HK3: variants seen among roughly 807,000 people sequenced by gnomAD.
The protein encoded by HK3 is hexokinase-3.
Under a neutral mutation model 91.0 loss-of-function variants are expected in HK3, and 93 were observed. The observed-to-expected ratio is 1.02, with a 90% CI of 0.86 to 1.21. The LOEUF (loss-of-function observed/expected upper bound fraction) is 1.21, where lower values mean the gene tolerates loss of function less well. Among genes scored for constraint, HK3 ranks in the 50% most tolerant of loss-of-function variants. The probability of loss-of-function intolerance (pLI) is 0.00; values close to 1 mark genes in which losing one functional copy is unlikely to be tolerated. For missense variants in HK3, 1,235 were observed against 1,247.4 expected (o/e 0.99, Z 0.15); for synonymous variants, 519 against 516.9 (o/e 1.00, Z -0.06).
At chr5:176,883,097 C>T (rs527325283) in intron 15 of HK3, among the ~76,000 whole-genome samples, 15 of 152,352 alleles carry the variant, frequency 9.8e-5, no homozygotes, top group South Asian at 4.1e-4. Flanking sequence ...CTGCTGCCCA[C>T]GTGTAGAATC....
chr5:176,881,665 G>A, intron 17 of HK3, 27 bp downstream of exon 17: 4 of 1,612,780 alleles, frequency 2.5e-6, no homozygotes, highest in Non-Finnish European at 3.4e-6. Context: ...CCCCTGAAGT[G>A]GGGGAGGCAA....
At chr5:176,895,076 C>CATAGGCAAGTCCTTTATCTCCA (rs1758874253) in intron 2 of HK3, among the ~76,000 whole-genome samples, 1 of 113,714 alleles carries the variant, frequency 8.8e-6, no homozygotes, top group African/African-American at 3.9e-5. Flanking sequence ...TGCGCCCGGA[C>CATAGGCAAGTCCTTTATCTCCA]TTTTTTTTTT....
At chr5:176,886,546 G>A (rs994039304) in intron 13 of HK3, among the ~76,000 whole-genome samples, 1 of 152,052 alleles carries the variant, frequency 6.6e-6, no homozygotes, top group Non-Finnish European at 1.5e-5. Flanking sequence ...TGTGTGCTGA[G>A]TAGGGATGTG....
At chr5:176,892,312 T>C (rs1758799164) in intron 2 of HK3, among the ~76,000 whole-genome samples, 2 of 152,004 alleles carry the variant, frequency 1.3e-5, no homozygotes. Context: ...TTCAAGAGGG[T>C]TTCCCTGAGG....
chr5:176,883,460 C>G (rs1273797536), intron 15 of HK3, among the ~76,000 whole-genome samples: 1 of 152,088 alleles, frequency 6.6e-6, no homozygotes, highest in African/African-American at 2.4e-5. Context: ...GGTGACTTGC[C>G]CAAGGTCATA....
At chr5:176,897,471 A>G (rs1232919472) in intron 1 of HK3, among the ~76,000 whole-genome samples, 1 of 151,780 alleles carries the variant, frequency 6.6e-6, no homozygotes, top group Non-Finnish European at 1.5e-5. Flanking sequence ...GAAATATAGT[A>G]CCTTCCCACC....
intron 13 of HK3, among the ~76,000 whole-genome samples, chr5:176,885,035 G>A (rs1465573326): frequency 6.6e-6 from 1 of 152,244 alleles, no homozygotes; most frequent in Non-Finnish European, 1.5e-5. Context: ...GAGACCAGAT[G>A]ATGAGTAAGA....
In HK3 at chr5:176,884,078, A is replaced by T. The variant is rs1339557820; in HGVS notation, c.1914T>A (p.Asp638Glu). The T allele has an allele frequency of 6.2e-7, 1 of 1,614,112 alleles. No homozygotes were observed. Among genetic ancestry groups the T allele is most frequent in the Admixed American group, 1.7e-5 (1 of 60,032 alleles). The change falls in exon 14 of 19, where the codon GAT becomes GAA. Residue 638 changes from aspartate (D) to glutamate (E), a missense_variant. Around this residue, in one of 3 missense-constraint regions of HK3, gnomAD observed 513 missense variants for 477.4 expected, o/e 1.07. Transcript: ENST00000292432. This position sits in a 1 kb window ranked among gnomAD's most constrained non-coding sequence, Gnocchi z 4.1. ...TGGCTTCCCGCAACAGACTCACGACATCTTGGCCCTCGCAGTCTGATGCCT... is the reference window on the plus strand; with the variant it reads ...TGGCTTCCCGCAACAGACTCACGACTTCTTGGCCCTCGCAGTCTGATGCCT... The part of the protein sequence containing the change: ...GFKASDCEGQ[D>E]VVSLLREAIT...
rs373215921 is a variant in HK3, at chr5:176,884,060, C to G, written c.1932G>C (p.Arg644=). The change falls in exon 14 of 19, where the codon CGG becomes CGC. Residue 644 remains arginine (R), a synonymous_variant. Transcript: ENST00000292432. The surrounding 1 kb of genome is among the most constrained non-coding windows in gnomAD (Gnocchi z 4.1). ...CTACCTGTCTGCGAGTGATGGCTTC[C>G]CGCAACAGACTCACGACATCTTGGC... ...CEGQDVVSLL[R]EAITRRQAVE... is the part of the protein sequence containing the mutation. The G allele has an allele frequency of 5.8e-5, 94 of 1,614,124 alleles. 1 individual carries two copies. The highest frequency in any genetic ancestry group is 3.4e-4 in the South Asian group (31 of 91,086).
intron 13 of HK3, among the ~76,000 whole-genome samples, chr5:176,885,447 A>C (rs1758558992): frequency 6.6e-6 from 1 of 151,980 alleles, no homozygotes. Flanking sequence ...TTTAAGATGG[A>C]GTCTTGCTCT....
At position 176,887,924 on chromosome 5, in the gene HK3, C is replaced by T. The variant is rs576893802; in HGVS notation, c.1305-178G>A. On this transcript the variant is annotated intron_variant, in intron 10 of 18. Coordinates refer to ENST00000292432, the MANE Select transcript of HK3 (RefSeq NM_002115.3). This position sits in a 1 kb window ranked among gnomAD's most constrained non-coding sequence, Gnocchi z 4.9. ...TTTTTTTTTTTATTTTTGTAGATAT[C>T]GAGTCTTGCTCTCTCACCCAAGCTA... Among the ~76,000 whole-genome samples the T allele has an allele frequency of 6.6e-5, 10 of 151,582 alleles. No homozygotes were observed. In the South Asian group the frequency reaches 1.5e-3, roughly 22 times the overall value.
intron 1 of HK3, among the ~76,000 whole-genome samples, chr5:176,898,284 A>G (rs1456943129): frequency 2.0e-5 from 3 of 152,200 alleles, no homozygotes; most frequent in Admixed American, 2.0e-4. Flanking sequence ...TGCCTTTCCA[A>G]AATTGGAAGC....
intron 1 of HK3, among the ~76,000 whole-genome samples, chr5:176,897,450 C>A (rs1197357515): frequency 2.0e-5 from 3 of 152,056 alleles, no homozygotes; most frequent in Non-Finnish European, 4.4e-5. Flanking sequence ...CTTGCAACAG[C>A]AGAACTTCTG....
At chr5:176,891,617 A>C (rs2149377144) in intron 2 of HK3, 67 bp from the exon 3 acceptor site, 2 of 1,515,886 alleles carry the variant, frequency 1.3e-6, no homozygotes, top group Non-Finnish European at 1.8e-6. Context: ...CCACCTCCAA[A>C]CAAGGCAGAG....
chr5:176,887,122 C>T lies in HK3; in HGVS notation c.1738-1G>A. ...TGCAGTCCACGATGTGGTCAAAGAG[C>T]TGTGGGGCAGGACAGGTCAGGCGTA... On this transcript the variant is annotated splice_acceptor_variant, in intron 12 of 18. Transcript: ENST00000292432. LOFTEE classifies it high-confidence loss of function. The surrounding 1 kb of genome is among the most constrained non-coding windows in gnomAD (Gnocchi z 4.9). The T allele has an allele frequency of 6.2e-7, 1 of 1,614,240 alleles. No homozygotes were observed. Among genetic ancestry groups the T allele is most frequent in the Non-Finnish European group, 8.5e-7 (1 of 1,180,044 alleles).
At position 176,881,859 on chromosome 5, in the gene HK3, T is replaced by C. The variant is rs748327249; in HGVS notation, c.2238-12A>G. 166 of 1,607,370 alleles carry C rather than the reference T, an allele frequency of 1.0e-4. No homozygotes were observed. The highest frequency in any genetic ancestry group is 1.7e-5 in the Non-Finnish European group (20 of 1,177,354). On this transcript the variant is annotated splice_polypyrimidine_tract_variant and intron_variant, in intron 16 of 18. Transcript: ENST00000292432. Reference sequence around the variant, plus strand: ...TCATCTTTTCAAACCTGCATGAACATGTGTGCACTCGGCAGAAGGCCCCAC... The same window carrying C: ...TCATCTTTTCAAACCTGCATGAACACGTGTGCACTCGGCAGAAGGCCCCAC...
chr5:176,897,985 C>T (rs925266893), intron 1 of HK3, among the ~76,000 whole-genome samples: 2 of 152,218 alleles, frequency 1.3e-5, no homozygotes, highest in African/African-American at 4.8e-5. Flanking sequence ...TCCACCTTGA[C>T]TGGAGACATC....
rs1175976495 is a variant in HK3 at position 176,888,874 on chromosome 5, G to A, written c.915-10C>T. 15 of 1,609,544 alleles carry A rather than the reference G, an allele frequency of 9.3e-6. No individual in the cohort carries two copies. The East Asian group carries it at 2.5e-4, about 26-fold the overall frequency. The stretch of plus-strand genomic sequence containing the variant: ...GATCATCTTCTCAAACCTGCAGGGG[G>A]GAAGGGTGGCTGGAGGAAGCCTTTT... On this transcript the variant is annotated splice_polypyrimidine_tract_variant and intron_variant, in intron 8 of 18. Transcript: ENST00000292432.
chr5:176,895,608 G>A (rs564080126), intron 2 of HK3, among the ~76,000 whole-genome samples: 5 of 152,294 alleles, frequency 3.3e-5, no homozygotes, highest in South Asian at 4.1e-4. Flanking sequence ...CACTAAAATC[G>A]TCTGTGTGCC....
Sources: gnomAD v4.1 joint callset for allele counts (sites outside exome capture counted in the v4.1 genomes callset) on GRCh38, gnomAD v4.1.1 for gene constraint, gnomAD v4.1.1 regional missense constraint, Gnocchi (gnomAD v3.1) non-coding constraint, MANE v1.5 for transcripts, NCBI Gene and HGNC (gene_info 2026-07-23, HGNC 2026-07-21) for gene names.